LAMA2: variants seen among roughly 807,000 people sequenced by gnomAD.
The protein encoded by LAMA2 is laminin subunit alpha 2.
Under a neutral mutation model 364.8 loss-of-function variants are expected in LAMA2, and 269 were observed. The observed-to-expected ratio is 0.74, with a 90% CI of 0.67 to 0.82. The LOEUF is 0.82. Ranked by LOEUF, LAMA2 falls within the 40% of genes least tolerant of loss-of-function variation. The probability of loss-of-function intolerance (pLI) is 0.00; values close to 1 mark genes in which losing one functional copy is unlikely to be tolerated. For synonymous variants in LAMA2, 1,379 were observed against 1,370.6 expected (o/e 1.01, Z -0.14); for missense variants, 3,807 against 3,873.2 (o/e 0.98, Z 0.45).
intron 9 of LAMA2, among the ~76,000 whole-genome samples, chr6:129,170,952 G>C (rs1343135473): frequency 1.5e-4 from 22 of 150,486 alleles, no homozygotes; most frequent in Admixed American, 6.0e-4. Context: ...CTCTTTTGAT[G>C]TTTGTTGGTT....
chr6:128,890,606 ATTAC>A (rs1776399702), intron 1 of LAMA2, among the ~76,000 whole-genome samples: 1 of 151,996 alleles, frequency 6.6e-6, no homozygotes, highest in Non-Finnish European at 1.5e-5. Flanking sequence ...ACACACATGT[ATTAC>A]TTAAAACTAT....
chr6:129,328,253 C>T, intron 28 of LAMA2, 25 bp from the exon 29 acceptor site: 3 of 1,605,610 alleles, frequency 1.9e-6, no homozygotes, highest in Non-Finnish European at 2.6e-6. Flanking sequence ...ACTTTGCTGT[C>T]CTAATTGGCT....
chr6:128,901,751 G>T (rs1777097589), intron 1 of LAMA2, among the ~76,000 whole-genome samples: 1 of 152,148 alleles, frequency 6.6e-6, no homozygotes, highest in Admixed American at 6.5e-5. Context: ...AATTTTAAAA[G>T]AAGTATTTAA....
chr6:128,997,855 T>C (rs1274872188), intron 1 of LAMA2, among the ~76,000 whole-genome samples: 1 of 152,140 alleles, frequency 6.6e-6, no homozygotes, highest in East Asian at 1.9e-4. Flanking sequence ...CCAGTGTGTG[T>C]TGTATAAATG....
intron 59 of LAMA2, 35 bp from the exon 60 acceptor site, chr6:129,503,056 T>G (rs571816967): frequency 1.4e-5 from 22 of 1,590,422 alleles, no homozygotes; most frequent in African/African-American, 5.4e-5. Context: ...ATGCTGTTAT[T>G]TTTCTGTTTG....
At chr6:129,009,465 A>G (rs1305845881) in intron 1 of LAMA2, among the ~76,000 whole-genome samples, 1 of 152,210 alleles carries the variant, frequency 6.6e-6, no homozygotes. Flanking sequence ...GTGAAAATAG[A>G]AATTAGAAAT....
chr6:129,346,504 C>T (rs1776562702), intron 30 of LAMA2, among the ~76,000 whole-genome samples: 1 of 152,210 alleles, frequency 6.6e-6, no homozygotes, highest in Admixed American at 6.5e-5. Flanking sequence ...TAAGCATATA[C>T]TTCATCCCAA....
intron 15 of LAMA2, among the ~76,000 whole-genome samples, chr6:129,262,671 A>T (rs1481542003): frequency 6.6e-6 from 1 of 152,096 alleles, no homozygotes; most frequent in Non-Finnish European, 1.5e-5. Flanking sequence ...TTTTTTCCTT[A>T]TCAAAACTTT....
At chr6:128,957,023 C>T (rs534470847) in intron 1 of LAMA2, among the ~76,000 whole-genome samples, 15 of 152,242 alleles carry the variant, frequency 9.9e-5, no homozygotes, top group African/African-American at 3.6e-4. Context: ...GTTTCGAGAG[C>T]AGCAGTTTCT....
intron 1 of LAMA2, among the ~76,000 whole-genome samples, chr6:128,977,532 G>A (rs1382219416): frequency 6.6e-6 from 1 of 151,904 alleles, no homozygotes; most frequent in East Asian, 1.9e-4. Context: ...AAAGTGCTGG[G>A]ATTACAGACA....
rs571399857 is a variant in LAMA2, at chr6:129,323,215, C to T, written c.4176+2560C>T. ...TTATCATCAAAGCAAGAGCTAAGGG[C>T]AGTTTTGAAATAATACATCCCATTC... On this transcript the variant is annotated intron_variant, in intron 28 of 64. Transcript: ENST00000421865. Among the ~76,000 whole-genome samples, 4 of 152,230 alleles carry T rather than the reference C, an allele frequency of 2.6e-5. No homozygotes were observed. The East Asian group carries it at 7.7e-4, about 29-fold the overall frequency.
intron 1 of LAMA2, among the ~76,000 whole-genome samples, chr6:129,008,577 A>C (rs1424924454): frequency 6.6e-6 from 1 of 152,184 alleles, no homozygotes; most frequent in Non-Finnish European, 1.5e-5. Context: ...ATCTTTAATT[A>C]GTTCTCTATA....
intron 7 of LAMA2, among the ~76,000 whole-genome samples, chr6:129,149,861 TA>T (rs1778692485): frequency 6.6e-6 from 1 of 152,154 alleles, no homozygotes; most frequent in Non-Finnish European, 1.5e-5. Context: ...GTATTATAAG[TA>T]ATCTAGAGAT....
intron 34 of LAMA2, among the ~76,000 whole-genome samples, chr6:129,381,722 G>T (rs904384428): frequency 1.3e-5 from 2 of 152,078 alleles, no homozygotes; most frequent in African/African-American, 4.8e-5. Flanking sequence ...TGTTTTAGAA[G>T]AATAAATCCA....
At chr6:129,486,926 T>C (rs1784616528) in intron 56 of LAMA2, among the ~76,000 whole-genome samples, 1 of 152,232 alleles carries the variant, frequency 6.6e-6, no homozygotes, top group Admixed American at 6.5e-5. Context: ...TCTTAAATAT[T>C]ACCTCCTCAA....
At chr6:129,059,645 C>G in intron 2 of LAMA2, 139 bp from the exon 3 acceptor site, 1 of 650,730 alleles carries the variant, frequency 1.5e-6, no homozygotes. Flanking sequence ...ATCTGAATTA[C>G]TCTCCTTCTG....
At chr6:129,132,407 C>T (rs1047201754) in intron 4 of LAMA2, among the ~76,000 whole-genome samples, 5 of 152,122 alleles carry the variant, frequency 3.3e-5, no homozygotes, top group African/African-American at 7.2e-5. Context: ...ACCTCGTGAT[C>T]GGCCCGCCTC....
chr6:129,155,778 A>G (rs1779077155), intron 8 of LAMA2, among the ~76,000 whole-genome samples: 1 of 152,058 alleles, frequency 6.6e-6, no homozygotes. Context: ...TTGCTTTAGT[A>G]AGTCTAGAAT....
intron 12 of LAMA2, among the ~76,000 whole-genome samples, chr6:129,195,309 C>T (rs1011806327): frequency 6.6e-6 from 1 of 152,148 alleles, no homozygotes; most frequent in African/African-American, 2.4e-5. Flanking sequence ...ATAAAAGTGG[C>T]TCACATGGGA....
Sources: allele counts gnomAD v4.1 joint callset (sites outside exome capture counted in the v4.1 genomes callset), GRCh38; gene constraint gnomAD v4.1.1; transcripts MANE v1.5; gene names NCBI Gene and HGNC (gene_info 2026-07-23, HGNC 2026-07-21).